Variants in ST18 observed in about 807,000 individuals in gnomAD.
The protein encoded by ST18 is ST18 C2H2C-type zinc finger transcription factor.
ST18 carries 50 observed loss-of-function variants against 110.0 expected under a neutral mutation model. The ratio of observed to expected loss-of-function variants is 0.45; its 90% confidence interval spans 0.36 to 0.58. ST18 has a LOEUF of 0.58. Among genes scored for constraint, ST18 ranks in the 20% least tolerant of loss-of-function variants. The pLI is 0.00. For synonymous variants in ST18, 461 were observed against 452.4 expected (o/e 1.02, Z -0.24); for missense variants, 1,306 against 1,280.1 (o/e 1.02, Z -0.31).
intron 2 of ST18, among the ~76,000 whole-genome samples, chr8:52,312,520 T>C (rs774380841): frequency 5.3e-5 from 8 of 152,224 alleles, no homozygotes; most frequent in Non-Finnish European, 1.0e-4. Flanking sequence ...ATCATATCTC[T>C]ATTCGATTCA....
chr8:52,332,476 A>G (rs1032013767), intron 2 of ST18, among the ~76,000 whole-genome samples: 1 of 148,196 alleles, frequency 6.7e-6, no homozygotes, highest in Admixed American at 6.7e-5. Flanking sequence ...TCTTATTGCT[A>G]TAGAAGGCAT....
chr8:52,165,301 AC>A, intron 11 of ST18, 76 bp from the exon 12 acceptor site: 1 of 1,453,108 alleles, frequency 6.9e-7, no homozygotes. Context: ...GTATCTCTCA[AC>A]TTTGCATTTA....
At chr8:52,203,744 T>G (rs571703373) in intron 8 of ST18, among the ~76,000 whole-genome samples, 1 of 152,252 alleles carries the variant, frequency 6.6e-6, no homozygotes, top group South Asian at 2.1e-4. Flanking sequence ...AGTCAAATAA[T>G]TTTGTTTGCA....
At chr8:52,115,617 G>T (rs2042240944) in intron 25 of ST18, among the ~76,000 whole-genome samples, 2 of 152,158 alleles carry the variant, frequency 1.3e-5, no homozygotes, top group African/African-American at 4.8e-5. Flanking sequence ...AGTAAGTAAA[G>T]TAGGGTCTGT....
intron 2 of ST18, among the ~76,000 whole-genome samples, chr8:52,357,676 A>AT (rs1823427401): frequency 1.6e-4 from 6 of 38,446 alleles, no homozygotes; most frequent in African/African-American, 6.2e-4. Flanking sequence ...AAAATCTATA[A>AT]ATATATATAT....
chr8:52,372,257 AG>A (rs1257942771), intron 2 of ST18, among the ~76,000 whole-genome samples: 2 of 152,192 alleles, frequency 1.3e-5, no homozygotes, highest in Non-Finnish European at 2.9e-5. Context: ...AATAGAAAAA[AG>A]CTTGCAGAAT....
chr8:52,349,250 T>A (rs1353537396), intron 2 of ST18, among the ~76,000 whole-genome samples: 1 of 152,236 alleles, frequency 6.6e-6, no homozygotes, highest in Non-Finnish European at 1.5e-5. Context: ...GTAGACAGCC[T>A]GTGTCCTGAA....
At chr8:52,218,868 G>T (rs1588713386) in intron 5 of ST18, among the ~76,000 whole-genome samples, 1 of 147,744 alleles carries the variant, frequency 6.8e-6, no homozygotes, top group African/African-American at 2.5e-5. Flanking sequence ...GGGACTCACA[G>T]CAATGGTGGG....
At chr8:52,277,645 C>T (rs575550421) in intron 2 of ST18, among the ~76,000 whole-genome samples, 5 of 152,152 alleles carry the variant, frequency 3.3e-5, no homozygotes, top group African/African-American at 4.8e-5. Context: ...TGTGTTTATT[C>T]ATCAAGGTGA....
chr8:52,292,970 A>G (rs2095578566), intron 2 of ST18, among the ~76,000 whole-genome samples: 1 of 152,180 alleles, frequency 6.6e-6, no homozygotes, highest in African/African-American at 2.4e-5. Context: ...CAAATTATAT[A>G]TTATTCTAGG....
At chr8:52,202,859 G>A (rs879069451) in intron 8 of ST18, among the ~76,000 whole-genome samples, 1 of 152,226 alleles carries the variant, frequency 6.6e-6, no homozygotes, top group Admixed American at 6.5e-5. Flanking sequence ...TTGTTGGTGG[G>A]AAGGGGGATA....
chr8:52,234,472 C>T (rs1235208263), intron 2 of ST18, among the ~76,000 whole-genome samples: 1 of 152,028 alleles, frequency 6.6e-6, no homozygotes, highest in Non-Finnish European at 1.5e-5. Context: ...ACTATCTTGA[C>T]CAGGCTGGTC....
In ST18 at chr8:52,392,040, C is replaced by T. The variant is rs561549183; in HGVS notation, c.-465+17288G>A. Among the ~76,000 whole-genome samples, 11 of 152,288 alleles carry T rather than the reference C, an allele frequency of 7.2e-5. No homozygotes were observed. The South Asian group carries it at 1.2e-3, about 17-fold the overall frequency. The stretch of plus-strand genomic sequence containing the variant: ...CCATCAATGACTAGCTGTTTAACCT[C>T]GGAAAGCTACTTAGCCTCTCTGAGC... On this transcript the variant is annotated intron_variant, in intron 2 of 25. Transcript: ENST00000689386.
At chr8:52,171,623 T>A (rs1453536003) in intron 10 of ST18, 169 bp downstream of exon 10, 7 of 774,362 alleles carry the variant, frequency 9.0e-6, no homozygotes, top group Non-Finnish European at 1.3e-5. Context: ...TGGAGGATAA[T>A]CTAGAGAGTG....
intron 2 of ST18, among the ~76,000 whole-genome samples, chr8:52,329,479 G>A (rs551607664): frequency 6.6e-6 from 1 of 152,242 alleles, no homozygotes; most frequent in African/African-American, 2.4e-5. Context: ...AGGAGGCCAG[G>A]CATGGTGGCT....
At chr8:52,156,303 T>C (rs550969300) in intron 15 of ST18, among the ~76,000 whole-genome samples, 34 of 152,224 alleles carry the variant, frequency 2.2e-4, no homozygotes, top group Non-Finnish European at 4.4e-5. Context: ...CTTGCTAATA[T>C]ACCAAAAGTG....
In ST18 at chr8:52,206,965, G is replaced by A. The variant is rs187904239; in HGVS notation, c.86+5114C>T. 3.9e-5 allele frequency among the ~76,000 whole-genome samples: 6 copies of A among 152,174 alleles called. No individual in the cohort carries two copies. The East Asian group carries it at 7.7e-4, about 20-fold the overall frequency. ...GACTTACTATTAGAAATCAGTATCA[G>A]TTCACTTTTTTCTTTAGTTATCACC... is the stretch of plus-strand genomic sequence containing the variant. On this transcript the variant is annotated intron_variant, in intron 8 of 25. Coordinates refer to ENST00000689386, the MANE Select transcript of ST18 (RefSeq NM_001352837.2).
chr8:52,368,166 C>T (rs1828885202), intron 2 of ST18, among the ~76,000 whole-genome samples: 1 of 152,024 alleles, frequency 6.6e-6, no homozygotes, highest in Non-Finnish European at 1.5e-5. Context: ...TCAGTACACA[C>T]TTAGCTGTGT....
intron 22 of ST18, among the ~76,000 whole-genome samples, chr8:52,129,470 A>AG (rs1554584202): frequency 1.3e-5 from 2 of 151,106 alleles, no homozygotes; most frequent in East Asian, 1.9e-4. Flanking sequence ...AAAAAAAAAA[A>AG]AAAGAAAGAA....
Sources: gnomAD v4.1 joint callset for allele counts (sites outside exome capture counted in the v4.1 genomes callset) on GRCh38, gnomAD v4.1.1 for gene constraint, MANE v1.5 for transcripts, NCBI Gene and HGNC (gene_info 2026-07-23, HGNC 2026-07-21) for gene names.